The following OLFM3 variants were observed in gnomAD, a reference collection of about 807,000 sequenced individuals.
OLFM3 encodes olfactomedin 3, also known as noelin-3.
In OLFM3, 20 loss-of-function variants were observed where a neutral mutation model predicts 48.6. That is an observed-to-expected ratio of 0.41 (90% confidence interval 0.29 to 0.60). OLFM3 has a LOEUF of 0.60. Among genes scored for constraint, OLFM3 ranks in the 20% least tolerant of loss-of-function variants. The pLI is 0.28. For missense variants in OLFM3, 437 were observed against 544.3 expected (o/e 0.80, Z 1.96); for synonymous variants, 222 against 198.1 (o/e 1.12, Z -1.01).
intron 1 of OLFM3, among the ~76,000 whole-genome samples, chr1:101,948,491 A>G (rs1660026137): frequency 6.6e-6 from 1 of 152,036 alleles, no homozygotes; most frequent in Admixed American, 6.6e-5. Flanking sequence ...TTAAGACTTG[A>G]GTCAGATTTG....
At chr1:101,959,343 T>TA (rs11422882) in intron 1 of OLFM3, among the ~76,000 whole-genome samples, 77,680 of 150,546 alleles carry the variant, frequency 0.52, 20,321 homozygotes, top group East Asian at 0.73. Context: ...CCTCCTTTTT[T>TA]TTTTTTTTTA....
At chr1:101,890,629 G>C (rs1299629124) in intron 1 of OLFM3, among the ~76,000 whole-genome samples, 1 of 146,346 alleles carries the variant, frequency 6.8e-6, no homozygotes, top group African/African-American at 2.5e-5. Context: ...GTAAAACTTT[G>C]TTTCTGATAT....
chr1:101,921,427 A>G (rs527913713), intron 1 of OLFM3, among the ~76,000 whole-genome samples: 21 of 152,260 alleles, frequency 1.4e-4, no homozygotes, highest in African/African-American at 2.6e-4. Context: ...CCTCCTCCCA[A>G]CATAAAGCTC....
chr1:101,839,154 TA>T (rs913590631), intron 1 of OLFM3, among the ~76,000 whole-genome samples: 2 of 152,178 alleles, frequency 1.3e-5, no homozygotes, highest in African/African-American at 4.8e-5. Flanking sequence ...CTAACTCCTT[TA>T]AAAAAATTAA....
chr1:101,996,909 T>C lies in OLFM3; in HGVS notation c.-93A>G, dbSNP rs1243431149. On this transcript the variant is annotated 5_prime_UTR_variant, in exon 1 of 6. Coordinates refer to ENST00000370103, the MANE Select transcript of OLFM3 (RefSeq NM_058170.4). ...TCCCTCGTCAGTTGCACTTTCTGCCTGCCAGTCAGAGCCGAGTGGAAGCAG... is the reference window on the plus strand; with the variant it reads ...TCCCTCGTCAGTTGCACTTTCTGCCCGCCAGTCAGAGCCGAGTGGAAGCAG... 4.4e-6 allele frequency: 6 copies of C among 1,351,170 alleles called. No homozygotes were observed. In the East Asian group the frequency reaches 1.4e-4, roughly 32 times the overall value. The allele number at this position is 1,351,170 out of a possible 1,614,324, so 83.7% of individuals were successfully genotyped here. A position where few individuals can be genotyped will look rare whatever the true frequency, so the allele number is the denominator to read the frequency against.
At chr1:101,964,162 G>A (rs1413102434) in intron 1 of OLFM3, among the ~76,000 whole-genome samples, 2 of 152,126 alleles carry the variant, frequency 1.3e-5, no homozygotes, top group African/African-American at 4.8e-5. Flanking sequence ...GATTGTAGGT[G>A]GTGATGGTGG....
rs1657364150 is a variant in OLFM3, at chr1:101,877,854, T to TA, written c.70-40830dup. On this transcript the variant is annotated intron_variant, in intron 1 of 5. Transcript: ENST00000370103. ...CATATTTTTTATTAAATCTTAGTTGTAACTTTAATATCATTGTAATAAAGC... is the reference window on the plus strand; with the variant it reads ...CATATTTTTTATTAAATCTTAGTTGTAAACTTTAATATCATTGTAATAAAGC... 3.3e-5 allele frequency among the ~76,000 whole-genome samples: 5 copies of TA among 152,038 alleles called. No individual in the cohort carries two copies. The South Asian group carries it at 1.0e-3, about 31-fold the overall frequency.
At chr1:101,914,733 T>C (rs1658868614) in intron 1 of OLFM3, among the ~76,000 whole-genome samples, 1 of 152,182 alleles carries the variant, frequency 6.6e-6, no homozygotes, top group Non-Finnish European at 1.5e-5. Context: ...CATGCGGCTC[T>C]TTCCAGCCTT....
rs145778880 is a variant in OLFM3 at position 101,939,529 on chromosome 1, A to T, written c.69+57219T>A. Among the ~76,000 whole-genome samples, 91 of 152,274 alleles carry T rather than the reference A, an allele frequency of 6.0e-4. 1 individual carries two copies. In the East Asian group the frequency reaches 0.016, roughly 26 times the overall value. The stretch of plus-strand genomic sequence containing the variant: ...TGGACAAACTTGAGTGTGTCTTCAT[A>T]AATGTGATGATACTGTTGAGGCTCT... On this transcript the variant is annotated intron_variant, in intron 1 of 5. Transcript: ENST00000370103.
At chr1:101,911,176 C>T (rs557826722) in intron 1 of OLFM3, among the ~76,000 whole-genome samples, 16 of 152,128 alleles carry the variant, frequency 1.1e-4, no homozygotes, top group African/African-American at 3.6e-4. Flanking sequence ...AAGCAAATAT[C>T]TGGTAGGGCA....
At chr1:101,996,211 C>T (rs1205180413) in intron 1 of OLFM3, among the ~76,000 whole-genome samples, 1 of 152,164 alleles carries the variant, frequency 6.6e-6, no homozygotes, top group Non-Finnish European at 1.5e-5. Context: ...CAACGCCTCT[C>T]AGCCATGGCA....
intron 1 of OLFM3, among the ~76,000 whole-genome samples, chr1:101,862,358 T>C (rs1197798272): frequency 6.6e-6 from 1 of 152,212 alleles, no homozygotes. Flanking sequence ...AAAGCAGTAT[T>C]GAGAGGTTGA....
rs1319865670 is a variant in OLFM3 at position 101,803,214 on chromosome 1, G to A, written c.*1024C>T. 6.6e-6 allele frequency: 1 copy of A among 151,832 alleles called. No individual in the cohort carries two copies. Among genetic ancestry groups the A allele is most frequent in the East Asian group, 1.9e-4 (1 of 5,134 alleles). 9.4% of individuals were successfully genotyped at this position (151,832 alleles called of 1,614,324 possible). On this transcript the variant is annotated 3_prime_UTR_variant, in exon 6 of 6. Transcript: ENST00000370103. ...GCTTATTTTCAGGGTCCTGACATAA[G>A]GAATTTCATTATTGCAAGTTGTATG... is the stretch of plus-strand genomic sequence containing the variant.
At chr1:101,871,769 T>C (rs1657093576) in intron 1 of OLFM3, among the ~76,000 whole-genome samples, 1 of 152,002 alleles carries the variant, frequency 6.6e-6, no homozygotes, top group Non-Finnish European at 1.5e-5. Flanking sequence ...ACTTTGAAAA[T>C]AGAATGCACA....
chr1:101,979,862 A>G (rs985968010), intron 1 of OLFM3, among the ~76,000 whole-genome samples: 1 of 152,224 alleles, frequency 6.6e-6, no homozygotes, highest in Non-Finnish European at 1.5e-5. Flanking sequence ...ATGCCAGCCC[A>G]TGAAAGCAGC....
chr1:101,991,897 A>G (rs997780559), intron 1 of OLFM3, among the ~76,000 whole-genome samples: 12 of 151,952 alleles, frequency 7.9e-5, no homozygotes, highest in Admixed American at 1.3e-4. Context: ...GATACTATCC[A>G]AGGAAGCTTG....
intron 1 of OLFM3, among the ~76,000 whole-genome samples, chr1:101,963,525 A>AGACTTACAGC (rs11283065): frequency 0.54 from 81,096 of 151,394 alleles, 22,064 homozygotes; most frequent in East Asian, 0.73. Context: ...AGACTTACAG[A>AGACTTACAGC]GACTTACAGC....
rs1653655094 is a variant in OLFM3, at chr1:101,804,365, T to C, written c.1250A>G (p.Gln417Arg). ...GTCAAGCATGGATATGTGAAAGTAT[T>C]GGTTATGGAAGGGAATGTCTGTGTA... The part of the protein sequence containing the change: ...YEYTDIPFHN[Q>R]YFHISMLDYN... Residue 417 changes from glutamine (Q) to arginine (R), a missense_variant, in exon 6 of 6, where the codon CAA becomes CGA. Physicochemically the swap from Gln to Arg is conservative, Grantham distance 43. Coordinates refer to ENST00000370103, the MANE Select transcript of OLFM3 (RefSeq NM_058170.4). This position sits in a 1 kb window ranked among gnomAD's most constrained non-coding sequence, Gnocchi z 4.5. 10 of 1,612,320 alleles carry C rather than the reference T, an allele frequency of 6.2e-6. No homozygotes were observed. Among genetic ancestry groups the C allele is most frequent in the Non-Finnish European group, 8.5e-6 (10 of 1,178,904 alleles).
At chr1:101,977,814 AAACACTTT>A (rs1660996527) in intron 1 of OLFM3, among the ~76,000 whole-genome samples, 2 of 152,098 alleles carry the variant, frequency 1.3e-5, no homozygotes, top group African/African-American at 4.8e-5. Flanking sequence ...CCATGAACAT[AAACACTTT>A]AACACCATTG....
Sources: allele counts gnomAD v4.1 joint callset (sites outside exome capture counted in the v4.1 genomes callset), GRCh38; gene constraint gnomAD v4.1.1; non-coding constraint Gnocchi (gnomAD v3.1); transcripts MANE v1.5; gene names NCBI Gene and HGNC (gene_info 2026-07-23, HGNC 2026-07-21).